CPLANE1: variants seen among roughly 807,000 people sequenced by gnomAD.
The protein encoded by CPLANE1 is ciliogenesis and planar polarity effector complex subunit 1.
A neutral mutation model predicts 362.5 loss-of-function variants in CPLANE1; 263 were observed. That is an observed-to-expected ratio of 0.73 (90% CI 0.66 to 0.80). CPLANE1 has a LOEUF of 0.80. Ranked by LOEUF, CPLANE1 falls within the 30% of genes least tolerant of loss-of-function variation. The pLI, the probability that CPLANE1 is intolerant of heterozygous loss-of-function variation, is 0.00. For synonymous variants in CPLANE1, 1,212 were observed against 1,302.6 expected (o/e 0.93, Z 1.50); for missense variants, 3,461 against 3,793.4 (o/e 0.91, Z 2.30).
At position 37,184,995 on chromosome 5, in the gene CPLANE1, T is replaced by C. The variant is rs1580520885; in HGVS notation, c.4274A>G (p.Asn1425Ser). 1 of 1,614,144 alleles carries C rather than the reference T, an allele frequency of 6.2e-7. No individual in the cohort carries two copies. Among genetic ancestry groups the C allele is most frequent in the East Asian group, 2.2e-5 (1 of 44,870 alleles). ...TATATTCACTTCAAAAGAGCCTATA[T>C]TTCTCTGCACACGTTTTAGAGCTTT... ...RVKALKRVQR[N>S]IGSFEVNIWE... The change falls in exon 25 of 53, where the codon AAT becomes AGT. Residue 1425 changes from asparagine (N) to serine (S), a missense_variant. Around this residue, in one of 2 missense-constraint regions of CPLANE1, gnomAD observed 3,380 missense variants for 3,666.1 expected, o/e 0.92. Transcript: ENST00000651892.
chr5:37,078,715 A>AT, the CPLANE1 span, among the ~76,000 whole-genome samples: 16,596 of 142,790 alleles, frequency 0.12, 1,452 homozygotes, highest in African/African-American at 0.25. Context: ...AGCATCTGTT[A>AT]TTTTTTTTTT....
At chr5:37,238,351 T>C (rs1799486116) in intron 8 of CPLANE1, among the ~76,000 whole-genome samples, 1 of 151,804 alleles carries the variant, frequency 6.6e-6, no homozygotes, top group South Asian at 2.1e-4. Flanking sequence ...TTTTTTTTTT[T>C]GTATTTTTTT....
At chr5:37,221,654 T>A (rs1795377502) in intron 14 of CPLANE1, among the ~76,000 whole-genome samples, 166 bp from the exon 15 acceptor site, 1 of 152,112 alleles carries the variant, frequency 6.6e-6, no homozygotes, top group South Asian at 2.1e-4. Context: ...ATGATTTTTT[T>A]CACAGGTGAT....
chr5:37,220,262 A>C (rs1292687033), intron 15 of CPLANE1, among the ~76,000 whole-genome samples: 1 of 152,084 alleles, frequency 6.6e-6, no homozygotes, highest in Non-Finnish European at 1.5e-5. Flanking sequence ...AAAAAAAAAA[A>C]AACTCACAAA....
At chr5:37,138,372 T>C (rs1273067860) in intron 46 of CPLANE1, 1 of 279,028 alleles carries the variant, frequency 3.6e-6, no homozygotes, top group East Asian at 8.7e-5. Context: ...ATCCTTTTTG[T>C]TTTCCATTTG....
chr5:37,118,546 C>T (rs1397833858), intron 50 of CPLANE1, among the ~76,000 whole-genome samples: 5 of 152,046 alleles, frequency 3.3e-5, no homozygotes, highest in Admixed American at 1.3e-4. Flanking sequence ...GACCCACCCT[C>T]GGATTAAATC....
Position 37,107,386 on chromosome 5 carries a change from T to C in CPLANE1, c.*216A>G. ...ATGATGCATCAAATACAAAAACATA[T>C]AATACATCAATAGTCAACCCTTTCC... On this transcript the variant is annotated 3_prime_UTR_variant, in exon 53 of 53. Coordinates refer to ENST00000651892, the MANE Select transcript of CPLANE1 (RefSeq NM_001384732.1). 2 of 1,248,706 alleles carry C rather than the reference T, an allele frequency of 1.6e-6. No homozygotes were observed. The highest frequency in any genetic ancestry group is 2.0e-6 in the Non-Finnish European group (2 of 993,926). 77.4% of individuals were successfully genotyped at this position (1,248,706 alleles called of 1,614,324 possible). A position where few individuals can be genotyped will look rare whatever the true frequency, so the allele number is the denominator to read the frequency against.
Position 37,226,579 on chromosome 5 carries a change from C to A in CPLANE1, c.2016G>T (p.Leu672=). The A allele has an allele frequency of 6.4e-7, 1 of 1,550,478 alleles. No individual in the cohort carries two copies. The highest frequency in any genetic ancestry group is 1.2e-5 in the South Asian group (1 of 83,536). The change falls in exon 12 of 53, where the codon CTG becomes CTT. Residue 672 remains leucine (L), a synonymous_variant. Coordinates refer to ENST00000651892, the MANE Select transcript of CPLANE1 (RefSeq NM_001384732.1). ...ATAACTGACCCTTTTGTTGCTGAGT[C>A]AGCAAAAGTTTTACAGTATTTGAGG... ...KLTSNTVKLL[L]TQQQKGQLFS...
At chr5:37,110,805 T>A (rs1329618543) in intron 51 of CPLANE1, among the ~76,000 whole-genome samples, 2 of 140,704 alleles carry the variant, frequency 1.4e-5, no homozygotes, top group Non-Finnish European at 3.1e-5. Context: ...TGTATTAACT[T>A]TTTTTTTTTT....
chr5:37,101,284 A>G (rs375554737), downstream of CPLANE1, among the ~76,000 whole-genome samples: 7 of 152,316 alleles, frequency 4.6e-5, no homozygotes, highest in East Asian at 1.4e-3. Context: ...ATGTTCCTTC[A>G]ATACCTAGTT....
intron 21 of CPLANE1, among the ~76,000 whole-genome samples, chr5:37,189,021 G>C (rs898999519): frequency 2.6e-5 from 4 of 152,002 alleles, no homozygotes; most frequent in East Asian, 1.9e-4. Flanking sequence ...GGCTAATTTT[G>C]TATTTTTAGT....
intron 46 of CPLANE1, among the ~76,000 whole-genome samples, chr5:37,135,859 G>T (rs1767554548): frequency 6.6e-6 from 1 of 151,786 alleles, no homozygotes; most frequent in African/African-American, 2.4e-5. Context: ...AAACCCAACA[G>T]ATCTCGTGAA....
At chr5:37,180,816 CAT>C (rs748739623) in intron 27 of CPLANE1, 39 bp downstream of exon 27, 3 of 1,587,142 alleles carry the variant, frequency 1.9e-6, no homozygotes, top group South Asian at 2.2e-5. Flanking sequence ...CATCAAACTA[CAT>C]GTCTTATATT....
At chr5:37,174,036 T>C in intron 31 of CPLANE1, 89 bp from the exon 32 acceptor site, 1 of 1,118,312 alleles carries the variant, frequency 8.9e-7, no homozygotes. Flanking sequence ...TTGATCCCAC[T>C]TTTGTCTTCC....
chr5:37,231,838 G>A (rs995246086), intron 8 of CPLANE1, among the ~76,000 whole-genome samples: 17 of 151,852 alleles, frequency 1.1e-4, no homozygotes, highest in African/African-American at 4.1e-4. Context: ...CACAGGTGTT[G>A]ATATCTGGTG....
intron 31 of CPLANE1, among the ~76,000 whole-genome samples, chr5:37,174,672 T>C (rs371485566): frequency 1.3e-5 from 2 of 152,132 alleles, no homozygotes; most frequent in South Asian, 2.1e-4. Context: ...CAGGCAGTTA[T>C]CAGATTCAAA....
the CPLANE1 span, among the ~76,000 whole-genome samples, chr5:37,080,347 C>T: frequency 1.3e-5 from 2 of 152,078 alleles, no homozygotes; most frequent in African/African-American, 2.4e-5. Flanking sequence ...CTGAGCTGAG[C>T]GGGGAGAGAT....
chr5:37,176,904 G>A (rs150610448), intron 30 of CPLANE1, among the ~76,000 whole-genome samples: 12 of 151,912 alleles, frequency 7.9e-5, no homozygotes, highest in South Asian at 2.1e-4. Flanking sequence ...AACTACAAGC[G>A]CCCGCCACCA....
In CPLANE1 at chr5:37,107,560, G is replaced by A; in HGVS notation, c.*42C>T. The A allele has an allele frequency of 1.3e-6, 2 of 1,505,018 alleles. No individual in the cohort carries two copies. Among genetic ancestry groups the A allele is most frequent in the Non-Finnish European group, 8.9e-7 (1 of 1,120,014 alleles). 93.2% of individuals were successfully genotyped at this position (1,505,018 alleles called of 1,614,324 possible). A position where few individuals can be genotyped will look rare whatever the true frequency, so the allele number is the denominator to read the frequency against. The stretch of plus-strand genomic sequence containing the variant: ...GTTAATCTTTCAGAACCACATTACT[G>A]AGGTGCTGGCCTGTGCATGGAAACC... On this transcript the variant is annotated 3_prime_UTR_variant, in exon 53 of 53. Transcript: ENST00000651892.
Sources: gnomAD v4.1 joint callset for allele counts (sites outside exome capture counted in the v4.1 genomes callset) on GRCh38, gnomAD v4.1.1 for gene constraint, gnomAD v4.1.1 regional missense constraint, MANE v1.5 for transcripts, NCBI Gene and HGNC (gene_info 2026-07-23, HGNC 2026-07-21) for gene names.